ADAMTS17: variants seen among roughly 807,000 people sequenced by gnomAD.
ADAMTS17 encodes the protein ADAM metallopeptidase with thrombospondin type 1 motif 17.
In ADAMTS17, 113 loss-of-function variants were observed where a neutral mutation model predicts 141.5. That is an observed-to-expected ratio of 0.80 (90% CI 0.69 to 0.93). ADAMTS17 has a LOEUF of 0.93. Ranked by LOEUF, ADAMTS17 falls within the 40% of genes least tolerant of loss-of-function variation. The pLI, the probability that ADAMTS17 is intolerant of heterozygous loss-of-function variation, is 0.00. For synonymous variants in ADAMTS17, 768 were observed against 630.6 expected, an observed-to-expected ratio of 1.22 and a Z score of -3.27; for missense variants, 1,659 against 1,517.9, an observed-to-expected ratio of 1.09 and a Z score of -1.54.
intron 4 of ADAMTS17, among the ~76,000 whole-genome samples, chr15:100,267,291 G>T (rs1182516149): frequency 2.0e-5 from 3 of 151,960 alleles, no homozygotes; most frequent in Non-Finnish European, 4.4e-5. Flanking sequence ...TCCATGCTGT[G>T]GCGTGTGTGG....
At chr15:99,999,958 C>T (rs1026046097) in intron 18 of ADAMTS17, among the ~76,000 whole-genome samples, 4 of 152,198 alleles carry the variant, frequency 2.6e-5, no homozygotes, top group African/African-American at 9.7e-5. Context: ...GCTTCTGGGG[C>T]CTAACTCCAG....
chr15:100,206,876 TTC>T (rs2041589915), intron 7 of ADAMTS17, among the ~76,000 whole-genome samples: 1 of 152,176 alleles, frequency 6.6e-6, no homozygotes, highest in African/African-American at 2.4e-5. Context: ...TTCTCAGCAT[TTC>T]TGTTTGAATC....
At chr15:100,193,115 C>T (rs2040980221) in intron 8 of ADAMTS17, among the ~76,000 whole-genome samples, 1 of 152,268 alleles carries the variant, frequency 6.6e-6, no homozygotes, top group Non-Finnish European at 1.5e-5. Flanking sequence ...GCAGCCCCAC[C>T]TGCCCTCTGG....
intron 18 of ADAMTS17, among the ~76,000 whole-genome samples, chr15:100,025,401 CTTCTT>C (rs765352366): frequency 3.2e-4 from 47 of 147,860 alleles, no homozygotes; most frequent in African/African-American, 8.4e-4. Flanking sequence ...ATCTTTTTCT[CTTCTT>C]TTCTTTTCTT....
chr15:100,236,073 CCAGTG>C (rs1311348374), intron 7 of ADAMTS17, among the ~76,000 whole-genome samples: 1 of 152,124 alleles, frequency 6.6e-6, no homozygotes, highest in Admixed American at 6.5e-5. Context: ...TCCACAGTCA[CCAGTG>C]ACTCAATTAC....
intron 3 of ADAMTS17, among the ~76,000 whole-genome samples, chr15:100,321,767 T>C (rs144171701): frequency 7.0e-4 from 106 of 152,298 alleles, no homozygotes; most frequent in African/African-American, 2.5e-3. Flanking sequence ...ATTTTTAATA[T>C]ATCTCTAAAA....
Position 100,195,499 on chromosome 15 carries a change from G to A in ADAMTS17, c.1181+3819C>T, listed in dbSNP as rs1039672649. The stretch of plus-strand genomic sequence containing the variant: ...TAAATGGAGCCTGTTCCATGTTTCC[G>A]TAAGACCACAGAACTATTGATCATT... On this transcript the variant is annotated intron_variant, in intron 8 of 21. Transcript: ENST00000268070. Among the ~76,000 whole-genome samples the A allele has an allele frequency of 1.2e-4, 18 of 151,162 alleles. No individual in the cohort carries two copies. The East Asian group carries it at 3.1e-3, about 26-fold the overall frequency.
chr15:100,307,144 AG>A (rs927470707), intron 3 of ADAMTS17, among the ~76,000 whole-genome samples: 28 of 152,198 alleles, frequency 1.8e-4, no homozygotes, highest in African/African-American at 6.8e-4. Flanking sequence ...TTTGCTTCTG[AG>A]GACCACACCA....
intron 7 of ADAMTS17, among the ~76,000 whole-genome samples, chr15:100,206,304 G>C (rs1396685870): frequency 1.3e-5 from 2 of 152,206 alleles, no homozygotes; most frequent in Non-Finnish European, 2.9e-5. Flanking sequence ...ACCGTCACCT[G>C]TGTGCAGGCT....
At chr15:100,138,834 C>T (rs2038471403) in intron 10 of ADAMTS17, among the ~76,000 whole-genome samples, 1 of 152,210 alleles carries the variant, frequency 6.6e-6, no homozygotes, top group Non-Finnish European at 1.5e-5. Flanking sequence ...CTTAGGATTA[C>T]ACCCTCGTGT....
chr15:99,993,275 A>G lies in ADAMTS17; in HGVS notation c.2797-75T>C. The G allele has an allele frequency of 6.3e-7, 1 of 1,585,460 alleles. No homozygotes were observed. The highest frequency in any genetic ancestry group is 8.6e-7 in the Non-Finnish European group (1 of 1,157,538). On this transcript the variant is annotated intron_variant, in intron 19 of 21. Coordinates refer to ENST00000268070, the MANE Select transcript of ADAMTS17 (RefSeq NM_139057.4). This position sits in a 1 kb window ranked among gnomAD's most constrained non-coding sequence, Gnocchi z 4.3. Reference sequence around the variant, plus strand: ...CCATCAACAGCTATTAACTCCCTCCAATGTGCCAGGTGCGGTGTGGGGATG... The same window carrying G: ...CCATCAACAGCTATTAACTCCCTCCGATGTGCCAGGTGCGGTGTGGGGATG...
At chr15:100,186,309 A>G (rs2040715417) in intron 8 of ADAMTS17, among the ~76,000 whole-genome samples, 1 of 152,214 alleles carries the variant, frequency 6.6e-6, no homozygotes, top group South Asian at 2.1e-4. Flanking sequence ...AAGGGCTTGA[A>G]GCCTGGCTCT....
chr15:100,333,284 T>C (rs1017734422), intron 2 of ADAMTS17, among the ~76,000 whole-genome samples: 1 of 152,144 alleles, frequency 6.6e-6, no homozygotes, highest in African/African-American at 2.4e-5. Context: ...ACATAACAGT[T>C]ACTCAGAAAG....
At chr15:100,148,042 A>G (rs1270228325) in intron 10 of ADAMTS17, among the ~76,000 whole-genome samples, 1 of 152,110 alleles carries the variant, frequency 6.6e-6, no homozygotes, top group Non-Finnish European at 1.5e-5. Flanking sequence ...TACATCTCTT[A>G]TTACTCACCC....
intron 16 of ADAMTS17, 92 bp downstream of exon 16, chr15:100,053,805 C>G: frequency 1.3e-6 from 2 of 1,597,234 alleles, no homozygotes; most frequent in Non-Finnish European, 1.7e-6. Flanking sequence ...TTCCTGCCCC[C>G]GAGGTCCCAG....
chr15:100,295,672 T>A (rs1438381979), intron 3 of ADAMTS17, among the ~76,000 whole-genome samples: 2 of 152,234 alleles, frequency 1.3e-5, no homozygotes, highest in Non-Finnish European at 2.9e-5. Flanking sequence ...ACCTATCTCC[T>A]GGGTTATATC....
intron 9 of ADAMTS17, 137 bp from the exon 10 acceptor site, chr15:100,152,899 A>G: frequency 1.4e-6 from 1 of 736,196 alleles, no homozygotes; most frequent in Non-Finnish European, 1.8e-6. Context: ...GGACGCAGGC[A>G]CTGGACACAC....
At chr15:100,227,223 G>C (rs1177975105) in intron 7 of ADAMTS17, among the ~76,000 whole-genome samples, 1 of 152,150 alleles carries the variant, frequency 6.6e-6, no homozygotes, top group Non-Finnish European at 1.5e-5. Context: ...ACAGGCTAAA[G>C]TCAAACCTCT....
At chr15:100,031,013 T>C (rs1292832973) in intron 18 of ADAMTS17, among the ~76,000 whole-genome samples, 1 of 152,150 alleles carries the variant, frequency 6.6e-6, no homozygotes, top group Non-Finnish European at 1.5e-5. Flanking sequence ...GTTCACGGAG[T>C]GCTGACTCGG....
Sources: allele counts gnomAD v4.1 joint callset (sites outside exome capture counted in the v4.1 genomes callset), GRCh38; gene constraint gnomAD v4.1.1; non-coding constraint Gnocchi (gnomAD v3.1); transcripts MANE v1.5; gene names NCBI Gene and HGNC (gene_info 2026-07-23, HGNC 2026-07-21).